TAAR1: variants seen among roughly 807,000 people sequenced by gnomAD.
TAAR1 encodes trace amine associated receptor 1.
A neutral mutation model predicts 1.2 loss-of-function variants in TAAR1; 1 was observed. That is an observed-to-expected ratio of 0.81 (90% CI 0.29 to 3.86). TAAR1 has a LOEUF of 3.86. TAAR1 is among the 30% of genes most tolerant of loss of function. TAAR1 has a pLI of 0.18. For synonymous variants in TAAR1, 153 were observed against 132.2 expected, an observed-to-expected ratio of 1.16 and a Z score of -1.08; for missense variants, 445 against 405.6, an observed-to-expected ratio of 1.10 and a Z score of -0.83.
chr6:132,644,931 T>C lies in TAAR1; in HGVS notation c.*53A>G. The C allele has an allele frequency of 1.4e-6, 2 of 1,412,434 alleles. No individual in the cohort carries two copies. The highest frequency in any genetic ancestry group is 1.9e-6 in the Non-Finnish European group (2 of 1,061,470). The allele number at this position is 1,412,434 out of a possible 1,614,324, so 87.5% of individuals were successfully genotyped here. ...TTGGTGCATGTGGTTCGTTATGTTGTGTTCATAAATATGATCATCAACCGA... is the reference window on the plus strand; with the variant it reads ...TTGGTGCATGTGGTTCGTTATGTTGCGTTCATAAATATGATCATCAACCGA... On this transcript the variant is annotated 3_prime_UTR_variant, in exon 2 of 2. Coordinates refer to ENST00000275216, the MANE Select transcript of TAAR1 (RefSeq NM_138327.4).
In TAAR1 at chr6:132,645,063, G is replaced by A. The variant is rs1777645755; in HGVS notation, c.941C>T (p.Ala314Val). Residue 314 changes from alanine (A) to valine (V), a missense_variant, in exon 2 of 2, where the codon GCA (alanine) becomes GTA (valine). Physicochemically the swap from Ala to Val is moderately conservative, Grantham distance 64 (BLOSUM62 0). Transcript: ENST00000275216. Reference sequence around the variant, plus strand: ...TTTACCAAACAGCATCATCTTCAGTGCTTTTCTAAACCAAGGATAGAAAAA... The same window carrying A: ...TTTACCAAACAGCATCATCTTCAGTACTTTTCTAAACCAAGGATAGAAAAA... ...YAFFYPWFRK[A>V]LKMMLFGKIF... 6.2e-7 allele frequency: 1 copy of A among 1,607,866 alleles called. No homozygotes were observed. Among genetic ancestry groups the A allele is most frequent in the Middle Eastern group, 1.7e-4 (1 of 6,020 alleles).
At position 132,658,411 on chromosome 6, in the gene TAAR1, T is replaced by A. The variant is rs186183710; in HGVS notation, c.-127+719A>T. On this transcript the variant is annotated intron_variant, in intron 1 of 1. Transcript: ENST00000275216. ...AATATTATGATAAATGTACTATACATGAAAGTGTTTCTGCTATTTTGACAT... is the reference window on the plus strand; with the variant it reads ...AATATTATGATAAATGTACTATACAAGAAAGTGTTTCTGCTATTTTGACAT... 2.6e-5 allele frequency among the ~76,000 whole-genome samples: 4 copies of A among 152,250 alleles called. No individual in the cohort carries two copies. The East Asian group carries it at 7.7e-4, about 29-fold the overall frequency.
At chr6:132,648,866 TA>T (rs1365826398) in intron 1 of TAAR1, among the ~76,000 whole-genome samples, 2 of 152,184 alleles carry the variant, frequency 1.3e-5, no homozygotes, top group Non-Finnish European at 2.9e-5. Context: ...TATGGGAAGT[TA>T]ACAAATTGCT....
At chr6:132,656,421 AG>A (rs2114290175) in intron 1 of TAAR1, among the ~76,000 whole-genome samples, 1 of 152,180 alleles carries the variant, frequency 6.6e-6, no homozygotes, top group Non-Finnish European at 1.5e-5. Context: ...AGAGATAAAT[AG>A]GGGGAGGGAG....
At chr6:132,650,045 A>C (rs989092104) in intron 1 of TAAR1, among the ~76,000 whole-genome samples, 1 of 152,172 alleles carries the variant, frequency 6.6e-6, no homozygotes, top group Non-Finnish European at 1.5e-5. Context: ...TTTAACAATC[A>C]TAGACTCGCC....
intron 1 of TAAR1, among the ~76,000 whole-genome samples, chr6:132,658,201 A>C (rs996170301): frequency 2.6e-5 from 4 of 152,106 alleles, no homozygotes; most frequent in Non-Finnish European, 5.9e-5. Flanking sequence ...ACTTATTTCT[A>C]AAGGGGGAAA....
intron 1 of TAAR1, among the ~76,000 whole-genome samples, chr6:132,647,323 TA>T (rs1777683849): frequency 6.6e-6 from 1 of 150,666 alleles, no homozygotes; most frequent in Admixed American, 6.7e-5. Flanking sequence ...AATTCTGAGC[TA>T]AATTCTAGAA....
intron 1 of TAAR1, among the ~76,000 whole-genome samples, chr6:132,656,264 T>C (rs893302023): frequency 2.0e-5 from 3 of 152,216 alleles, no homozygotes; most frequent in Non-Finnish European, 4.4e-5. Context: ...TAGCATCTTG[T>C]AGATAGTGTT....
rs1430461173 is a variant in TAAR1, at chr6:132,645,773, C to A, written c.231G>T (p.Met77Ile). 6.2e-7 allele frequency: 1 copy of A among 1,613,710 alleles called. No individual in the cohort carries two copies. The highest frequency in any genetic ancestry group is 2.2e-5 in the East Asian group (1 of 44,852). The change falls in exon 2 of 2, where the codon ATG becomes ATT. Residue 77 changes from methionine (M) to isoleucine (I), a missense_variant. Physicochemically the swap from Met to Ile is conservative, Grantham distance 10 (BLOSUM62 1). Coordinates refer to ENST00000275216, the MANE Select transcript of TAAR1 (RefSeq NM_138327.4). ...TVDFLLGCLV[M>I]PYSMVRSAEH... ...CAGCAGATCTCACCATACTGTAAGG[C>A]ATGACCAGACACCCCAGAAGAAAGT...
intron 1 of TAAR1, among the ~76,000 whole-genome samples, chr6:132,650,805 C>G (rs1453697630): frequency 6.6e-6 from 1 of 152,186 alleles, no homozygotes. Context: ...AACTCTCTCT[C>G]CCCTGCATCT....
In TAAR1 at chr6:132,645,014, C is replaced by T. The variant is rs758972680; in HGVS notation, c.990G>A (p.Arg330=). 3.2e-6 allele frequency: 5 copies of T among 1,576,576 alleles called. No homozygotes were observed. The highest frequency in any genetic ancestry group is 4.1e-5 in the Admixed American group (2 of 49,202). ...AACTCAATTCCAAAAATAATTTACACCTGGATGAATCTTTTTGGAAAATTT... is the reference window on the plus strand; with the variant it reads ...AACTCAATTCCAAAAATAATTTACATCTGGATGAATCTTTTTGGAAAATTT... The part of the protein sequence containing the change: ...FGKIFQKDSS[R]CKLFLELSS Residue 330 remains arginine, a synonymous_variant, in exon 2 of 2, where the codon AGG becomes AGA. Coordinates refer to ENST00000275216, the MANE Select transcript of TAAR1 (RefSeq NM_138327.4).
At chr6:132,646,978 C>T (rs778981479) in intron 1 of TAAR1, among the ~76,000 whole-genome samples, 5 of 151,952 alleles carry the variant, frequency 3.3e-5, no homozygotes, top group Non-Finnish European at 7.4e-5. Flanking sequence ...ATAATGGCAC[C>T]TACTAGTGAA....
chr6:132,651,192 T>C (rs1777744784), intron 1 of TAAR1, among the ~76,000 whole-genome samples: 1 of 152,216 alleles, frequency 6.6e-6, no homozygotes, highest in African/African-American at 2.4e-5. Context: ...GCTGCTCTTG[T>C]CAGTGGCTGT....
At position 132,645,833 on chromosome 6, in the gene TAAR1, T is replaced by G. The variant is rs1178830423; in HGVS notation, c.171A>C (p.Pro57=). 1 of 1,613,686 alleles carries G rather than the reference T, an allele frequency of 6.2e-7. No homozygotes were observed. The highest frequency in any genetic ancestry group is 1.7e-5 in the Admixed American group (1 of 59,942). Reference sequence around the variant, plus strand: ...CCATGGAATGAATGAGCCAATTTGTTGGGGTATGAAGTTGTTTGAAGTGTG... The same window carrying G: ...CCATGGAATGAATGAGCCAATTTGTGGGGGTATGAAGTTGTTTGAAGTGTG... The part of the protein sequence containing the change: ...SISHFKQLHT[P]TNWLIHSMAT... Residue 57 remains proline, a synonymous_variant, in exon 2 of 2, where the codon CCA becomes CCC. Transcript: ENST00000275216.
At position 132,645,314 on chromosome 6, in the gene TAAR1, C is replaced by A; in HGVS notation, c.690G>T (p.Lys230Asn). 6.2e-7 allele frequency: 1 copy of A among 1,613,504 alleles called. No homozygotes were observed. Among genetic ancestry groups the A allele is most frequent in the Non-Finnish European group, 8.5e-7 (1 of 1,179,724 alleles). The part of the protein sequence containing the change: ...QARLISDANQ[K>N]LQIGLEMKNG... ...TTTTCATTTCCAATCCAATTTGGAG[C>A]TTCTGATTGGCATCACTAATTAATC... Residue 230 changes from lysine to asparagine, a missense_variant, in exon 2 of 2, where the codon AAG (lysine) becomes AAT (asparagine). Transcript: ENST00000275216.
At chr6:132,647,469 AAG>A (rs1777688496) in intron 1 of TAAR1, among the ~76,000 whole-genome samples, 1 of 150,142 alleles carries the variant, frequency 6.7e-6, no homozygotes, top group African/African-American at 2.5e-5. Flanking sequence ...GAAGAAAGAA[AAG>A]AGAGAGAAAG....
At chr6:132,657,475 G>C (rs1217134815) in intron 1 of TAAR1, among the ~76,000 whole-genome samples, 1 of 151,788 alleles carries the variant, frequency 6.6e-6, no homozygotes, top group African/African-American at 2.4e-5. Context: ...GAGACAGAAA[G>C]TTGTCAATAG....
Position 132,643,669 on chromosome 6 carries a change from C to G in TAAR1, c.*1315G>C, listed in dbSNP as rs897232135. ...ATCATTTGCCTTACCCTAACTTATTCATGAGCAGAAGGTAAATCCAAATCC... is the reference window on the plus strand; with the variant it reads ...ATCATTTGCCTTACCCTAACTTATTGATGAGCAGAAGGTAAATCCAAATCC... On this transcript the variant is annotated 3_prime_UTR_variant, in exon 2 of 2. Coordinates refer to ENST00000275216, the MANE Select transcript of TAAR1 (RefSeq NM_138327.4). Among the ~76,000 whole-genome samples the G allele has an allele frequency of 6.6e-6, 1 of 151,922 alleles. No homozygotes were observed. Among genetic ancestry groups the G allele is most frequent in the Admixed American group, 6.6e-5 (1 of 15,210 alleles).
intron 1 of TAAR1, among the ~76,000 whole-genome samples, chr6:132,651,434 C>G (rs979105158): frequency 1.3e-5 from 2 of 152,206 alleles, no homozygotes; most frequent in African/African-American, 4.8e-5. Flanking sequence ...TGACCTCCCT[C>G]CTGTGCCTAG....
Sources: allele counts gnomAD v4.1 joint callset (sites outside exome capture counted in the v4.1 genomes callset), GRCh38; gene constraint gnomAD v4.1.1; transcripts MANE v1.5; gene names NCBI Gene and HGNC (gene_info 2026-07-23, HGNC 2026-07-21).